The following MED14 variants were observed in gnomAD, a reference collection of about 807,000 sequenced individuals.
MED14 encodes the protein mediator complex subunit 14, also known as mediator of RNA polymerase II transcription subunit 14.
A neutral mutation model predicts 109.0 loss-of-function variants in MED14; 8 were observed. That is an observed-to-expected ratio of 0.07 (90% CI 0.04 to 0.13). The LOEUF (loss-of-function observed/expected upper bound fraction) is 0.13. Ranked by LOEUF, MED14 falls within the 10% of genes least tolerant of loss-of-function variation. MED14 has a pLI of 1.00. For synonymous variants in MED14, 399 were observed against 408.7 expected (o/e 0.98, Z 0.29); for missense variants, 711 against 1,142.4 (o/e 0.62, Z 5.44).
At chrX:40,684,891 G>A (rs1930242685) in intron 16 of MED14, among the ~76,000 whole-genome samples, 1 of 111,464 alleles carries the variant, frequency 9.0e-6, no homozygotes, top group Admixed American at 9.5e-5. Context: ...CAGATACAAT[G>A]AGCTCTACCT....
chrX:40,735,302 C>T lies in MED14; in HGVS notation c.111G>A (p.Val37=). ...APAPPPPGAA[V]AAAAAAAASP... ...TAGCCGCAGCTGCAGCGGCCGCCGCCACGGCGGCTCCCGGGGGAGGAGGGG... is the reference window on the plus strand; with the variant it reads ...TAGCCGCAGCTGCAGCGGCCGCCGCTACGGCGGCTCCCGGGGGAGGAGGGG... Residue 37 remains valine (V), a synonymous_variant, in exon 1 of 31, where the codon GTG becomes GTA. Coordinates refer to ENST00000324817, the MANE Select transcript of MED14 (RefSeq NM_004229.4). 1 of 1,128,567 alleles carries T rather than the reference C, an allele frequency of 8.9e-7. No homozygotes were observed. The highest frequency in any genetic ancestry group is 1.2e-6 in the Non-Finnish European group (1 of 854,209). 93.0% of individuals were successfully genotyped at this position (1,128,567 alleles called of 1,213,427 possible). A position where few individuals can be genotyped will look rare whatever the true frequency, so the allele number is the denominator to read the frequency against.
In MED14 at chrX:40,699,823, CATA is replaced by C. The variant is rs1930855301; in HGVS notation, c.1490+1339_1490+1341del. On this transcript the variant is annotated intron_variant, in intron 12 of 30. Coordinates refer to ENST00000324817, the MANE Select transcript of MED14 (RefSeq NM_004229.4). ...ATAGCTGCTCAAAAAAAAAGGCTCA[CATA>C]ATATTATCTATCTACTGGCTTTAAA... 1.8e-5 allele frequency among the ~76,000 whole-genome samples: 2 copies of C among 111,673 alleles called. 1 individual carries two copies. The highest frequency in any genetic ancestry group is 3.8e-5 in the Non-Finnish European group (2 of 53,087).
chrX:40,701,439 T>A (rs773558081), intron 11 of MED14, among the ~76,000 whole-genome samples, 196 bp from the exon 12 acceptor site: 1 of 112,087 alleles, frequency 8.9e-6, no homozygotes, highest in African/African-American at 3.2e-5. Context: ...TCTTTAACTT[T>A]TAGGGAGCAT....
At chrX:40,666,310 A>G (rs1403796206) in intron 24 of MED14, among the ~76,000 whole-genome samples, 1 of 110,978 alleles carries the variant, frequency 9.0e-6, no homozygotes, top group Non-Finnish European at 1.9e-5. Flanking sequence ...AATTCAAAAT[A>G]AAATTTTGAG....
At chrX:40,698,482 C>T (rs1405073451) in intron 12 of MED14, among the ~76,000 whole-genome samples, 1 of 112,166 alleles carries the variant, frequency 8.9e-6, no homozygotes, top group Non-Finnish European at 1.9e-5. Flanking sequence ...GAAAAATGTA[C>T]ACAGTTTCTA....
intron 12 of MED14, among the ~76,000 whole-genome samples, chrX:40,698,463 A>G (rs1174275743): frequency 8.9e-6 from 1 of 112,293 alleles, no homozygotes; most frequent in Non-Finnish European, 1.9e-5. Context: ...CTGTGTATAC[A>G]CTTTCAATGA....
intron 3 of MED14, among the ~76,000 whole-genome samples, chrX:40,720,001 T>C (rs983808289): frequency 2.7e-5 from 3 of 111,960 alleles, no homozygotes; most frequent in African/African-American, 9.8e-5. Flanking sequence ...AATCATTAGG[T>C]TGAGAACAGA....
intron 26 of MED14, among the ~76,000 whole-genome samples, chrX:40,662,664 TC>T (rs1353833756): frequency 1.8e-5 from 2 of 112,006 alleles, no homozygotes; most frequent in Non-Finnish European, 1.9e-5. Flanking sequence ...GAAATCTATC[TC>T]CAGGTCCATG....
rs187426453 is a variant in MED14, at chrX:40,716,040, G to A, written c.349-1330C>T. On this transcript the variant is annotated intron_variant, in intron 3 of 30. Coordinates refer to ENST00000324817, the MANE Select transcript of MED14 (RefSeq NM_004229.4). ...CATTTAAAAAATGAGCAAAATACCT[G>A]AATAGACATTTCTCAAAAGAAGACA... Among the ~76,000 whole-genome samples, 299 of 110,523 alleles carry A rather than the reference G, an allele frequency of 2.7e-3. 2 individuals are homozygous for A. Among genetic ancestry groups the A allele is most frequent in the African/African-American group, 9.3e-3 (284 of 30,437 alleles).
intron 16 of MED14, among the ~76,000 whole-genome samples, chrX:40,687,853 G>A (rs1930348952): frequency 8.9e-6 from 1 of 111,856 alleles, no homozygotes; most frequent in Non-Finnish European, 1.9e-5. Context: ...ATTCAAGCCT[G>A]ACACACAGTC....
At chrX:40,718,374 C>T (rs977465920) in intron 3 of MED14, among the ~76,000 whole-genome samples, 2 of 111,965 alleles carry the variant, frequency 1.8e-5, no homozygotes, top group East Asian at 5.6e-4. Flanking sequence ...AAGACCTCCC[C>T]GGCAGAAAGA....
intron 30 of MED14, among the ~76,000 whole-genome samples, chrX:40,652,600 A>C (rs928166525): frequency 9.0e-6 from 1 of 111,497 alleles, no homozygotes; most frequent in African/African-American, 3.3e-5. Flanking sequence ...TGATTTTCTT[A>C]AAAGCACTTC....
chrX:40,700,366 A>AAAAAAC, intron 12 of MED14, among the ~76,000 whole-genome samples: 1 of 89,563 alleles, frequency 1.1e-5, no homozygotes, highest in Non-Finnish European at 2.2e-5. Context: ...CCTGTCTCAA[A>AAAAAAC]AAAAAAAAAA....
intron 1 of MED14, among the ~76,000 whole-genome samples, chrX:40,733,261 T>C (rs1232933855): frequency 9.1e-6 from 1 of 110,178 alleles, no homozygotes; most frequent in Non-Finnish European, 1.9e-5. Flanking sequence ...TAGCTGGAAC[T>C]ACAGGCTTGG....
chrX:40,705,313 C>G (rs1160445152), intron 10 of MED14, among the ~76,000 whole-genome samples: 1 of 111,941 alleles, frequency 8.9e-6, no homozygotes. Context: ...AGCGTGGCAA[C>G]AGAGTAAAAC....
Position 40,728,720 on chromosome X carries a change from CAAAA to C in MED14, c.242+595_242+598del, listed in dbSNP as rs757881108. On this transcript the variant is annotated intron_variant, in intron 2 of 30. Transcript: ENST00000324817. ...CTTAAGCTCCAAGCTCCAACTGAAC[CAAAA>C]TGTTAACTATGTAACAGTAGGAGCA... is the stretch of plus-strand genomic sequence containing the variant. 8.9e-4 allele frequency among the ~76,000 whole-genome samples: 100 copies of C among 111,872 alleles called. 2 individuals are homozygous for C. Among genetic ancestry groups the C allele is most frequent in the Non-Finnish European group, 7.3e-4 (39 of 53,174 alleles).
At chrX:40,702,771 T>C (rs1034739185) in intron 11 of MED14, among the ~76,000 whole-genome samples, 25 of 111,736 alleles carry the variant, frequency 2.2e-4, no homozygotes, top group African/African-American at 7.8e-4. Flanking sequence ...AGTTCAGTTT[T>C]CCATGAGCAG....
chrX:40,735,155 G>C, intron 1 of MED14, 43 bp downstream of exon 1: 1 of 994,072 alleles, frequency 1.0e-6, no homozygotes, highest in Non-Finnish European at 1.3e-6. Flanking sequence ...CGGTTGGGCG[G>C]GAAGGGGGGC....
At chrX:40,713,530 C>A (rs917512604) in intron 5 of MED14, among the ~76,000 whole-genome samples, 1 of 112,332 alleles carries the variant, frequency 8.9e-6, no homozygotes, top group African/African-American at 3.2e-5. Flanking sequence ...GCAACCTCTG[C>A]CTCCCAGGTT....
Sources: allele counts gnomAD v4.1 joint callset (sites outside exome capture counted in the v4.1 genomes callset), GRCh38; gene constraint gnomAD v4.1.1; transcripts MANE v1.5; gene names NCBI Gene and HGNC (gene_info 2026-07-23, HGNC 2026-07-21).